The following DIP2B variants were observed in gnomAD, a reference collection of about 807,000 sequenced individuals.
DIP2B encodes disco-interacting protein 2 homolog B.
DIP2B carries 76 observed loss-of-function variants against 198.0 expected under a neutral mutation model. The ratio of observed to expected loss-of-function variants is 0.38; its 90% CI spans 0.32 to 0.46. The LOEUF (loss-of-function observed/expected upper bound fraction) is 0.46. Among genes scored for constraint, DIP2B ranks in the 20% least tolerant of loss-of-function variants. The pLI, the probability that DIP2B is intolerant of heterozygous loss-of-function variation, is 0.99. For missense variants in DIP2B, 1,559 were observed against 1,978.4 expected, an observed-to-expected ratio of 0.79 and a Z score of 4.02; for synonymous variants, 701 against 739.1, an observed-to-expected ratio of 0.95 and a Z score of 0.84.
chr12:50,554,432 A>G (rs1191662253), intron 1 of DIP2B, among the ~76,000 whole-genome samples: 1 of 151,422 alleles, frequency 6.6e-6, no homozygotes, highest in Non-Finnish European at 1.5e-5. Flanking sequence ...AAGATGTTTT[A>G]TTTGCTTATT....
chr12:50,740,806 G>GA (rs1454570733), intron 36 of DIP2B, among the ~76,000 whole-genome samples: 1 of 152,124 alleles, frequency 6.6e-6, no homozygotes, highest in African/African-American at 2.4e-5. Context: ...AAGCTACCTA[G>GA]AAAAAATGAC....
chr12:50,627,673 C>T (rs1937962920), intron 2 of DIP2B, among the ~76,000 whole-genome samples: 1 of 152,240 alleles, frequency 6.6e-6, no homozygotes, highest in South Asian at 2.1e-4. Context: ...GCCCCATGGG[C>T]AAGCCTATAA....
chr12:50,725,245 A>AC (rs1408697131), intron 28 of DIP2B, among the ~76,000 whole-genome samples: 1 of 152,158 alleles, frequency 6.6e-6, no homozygotes, highest in Non-Finnish European at 1.5e-5. Context: ...ACAATACTGG[A>AC]CTAGGAGTCA....
intron 2 of DIP2B, among the ~76,000 whole-genome samples, chr12:50,633,018 ATCCT>A (rs1209920372): frequency 6.6e-6 from 1 of 151,474 alleles, no homozygotes; most frequent in East Asian, 1.9e-4. Flanking sequence ...GGCTCAAGCG[ATCCT>A]TCTGCCTCAG....
intron 34 of DIP2B, among the ~76,000 whole-genome samples, 166 bp downstream of exon 34, chr12:50,735,296 A>T (rs1311935796): frequency 1.3e-5 from 2 of 152,214 alleles, no homozygotes; most frequent in Non-Finnish European, 2.9e-5. Context: ...GGGTACATAG[A>T]TAAGAAGAAT....
At chr12:50,582,082 A>G (rs1958729047) in intron 1 of DIP2B, among the ~76,000 whole-genome samples, 1 of 151,136 alleles carries the variant, frequency 6.6e-6, no homozygotes, top group African/African-American at 2.4e-5. Context: ...AGAGAAGGGC[A>G]GTAACTTTTT....
chr12:50,665,455 C>A (rs1442363057), intron 4 of DIP2B, among the ~76,000 whole-genome samples: 1 of 152,084 alleles, frequency 6.6e-6, no homozygotes, highest in Non-Finnish European at 1.5e-5. Flanking sequence ...TTAGAAAATT[C>A]TATTTACTTT....
intron 10 of DIP2B, among the ~76,000 whole-genome samples, chr12:50,684,573 C>T (rs1939101951): frequency 1.3e-5 from 2 of 152,134 alleles, no homozygotes; most frequent in South Asian, 2.1e-4. Flanking sequence ...GGGTGGATCA[C>T]CTGAGGTCAG....
Position 50,748,064 on chromosome 12 carries a change from T to C in DIP2B, c.*3225T>C, listed in dbSNP as rs1476355335. ...GAGTCTGTCTCCTTACTTTAGTCCC[T>C]GGGCAATCCTTGCTTAATGCTTTTG... On this transcript the variant is annotated 3_prime_UTR_variant, in exon 38 of 38. Transcript: ENST00000301180. The C allele has an allele frequency of 6.5e-6, 1 of 152,682 alleles. No individual in the cohort carries two copies. Among genetic ancestry groups the C allele is most frequent in the African/African-American group, 2.4e-5 (1 of 41,464 alleles). 9.5% of individuals were successfully genotyped at this position (152,682 alleles called of 1,614,324 possible).
intron 4 of DIP2B, among the ~76,000 whole-genome samples, chr12:50,669,837 A>G (rs989905437): frequency 4.6e-5 from 7 of 152,140 alleles, no homozygotes; most frequent in Non-Finnish European, 1.0e-4. Context: ...TTCCAGCCCC[A>G]TTGGTTATGT....
chr12:50,505,235 C>G lies in DIP2B; in HGVS notation c.95C>G (p.Ser32Trp), dbSNP rs1476416218. ...AQLAELELEL[S>W]EGDITQKGYE... ...CTGGCGGAGCTGGAGCTGGAGCTCT[C>G]GGAGGGTAGGAGCCGGGCCGGGGAG... Residue 32 changes from serine to tryptophan, a missense_variant, in exon 1 of 38, where the codon TCG becomes TGG. Transcript: ENST00000301180. The G allele has an allele frequency of 2.0e-6, 3 of 1,514,562 alleles. No homozygotes were observed. The highest frequency in any genetic ancestry group is 2.6e-6 in the Non-Finnish European group (3 of 1,137,440). 93.8% of individuals were successfully genotyped at this position (1,514,562 alleles called of 1,614,324 possible).
intron 22 of DIP2B, among the ~76,000 whole-genome samples, chr12:50,709,166 T>C (rs908034890): frequency 6.6e-6 from 1 of 152,250 alleles, no homozygotes; most frequent in African/African-American, 2.4e-5. Flanking sequence ...GGGCAAGTCA[T>C]TTAACCTCAC....
chr12:50,662,572 C>T (rs1483513839), intron 4 of DIP2B, among the ~76,000 whole-genome samples: 1 of 152,202 alleles, frequency 6.6e-6, no homozygotes, highest in Non-Finnish European at 1.5e-5. Context: ...TTAAGAGCTA[C>T]CAATTGGCTG....
Position 50,695,897 on chromosome 12 carries a change from A to C in DIP2B, c.1863A>C (p.Ala621=). The change falls in exon 16 of 38, where the codon GCA becomes GCC. Residue 621 remains alanine, a synonymous_variant. Coordinates refer to ENST00000301180, the MANE Select transcript of DIP2B (RefSeq NM_173602.3). ...GGGACTTGCACTGGGCTATGATGGC[A>C]CATCGGGACCAAAGAGACGTGAGCT... ...KCRDLHWAMM[A]HRDQRDVSLS... 1 of 1,614,168 alleles carries C rather than the reference A, an allele frequency of 6.2e-7. No individual in the cohort carries two copies. Among genetic ancestry groups the C allele is most frequent in the Non-Finnish European group, 8.5e-7 (1 of 1,179,978 alleles).
intron 1 of DIP2B, among the ~76,000 whole-genome samples, chr12:50,592,035 G>A (rs762258521): frequency 6.6e-5 from 10 of 151,836 alleles, no homozygotes; most frequent in African/African-American, 2.4e-5. Context: ...GTGTCACCAT[G>A]CCCAGCTAAT....
chr12:50,642,086 T>G (rs968315565), intron 3 of DIP2B, among the ~76,000 whole-genome samples: 1 of 152,030 alleles, frequency 6.6e-6, no homozygotes, highest in African/African-American at 2.4e-5. Context: ...GATACATATT[T>G]TCACACACAG....
intron 1 of DIP2B, among the ~76,000 whole-genome samples, chr12:50,533,942 T>C (rs2139366484): frequency 6.6e-6 from 1 of 152,264 alleles, no homozygotes; most frequent in East Asian, 1.9e-4. Context: ...GGAGAAACTT[T>C]TTTCCCCCCT....
At position 50,727,818 on chromosome 12, in the gene DIP2B, G is replaced by A. The variant is rs757274062; in HGVS notation, c.3510+6G>A. 3 of 1,611,274 alleles carry A rather than the reference G, an allele frequency of 1.9e-6. No homozygotes were observed. The highest frequency in any genetic ancestry group is 2.5e-6 in the Non-Finnish European group (3 of 1,178,736). The stretch of plus-strand genomic sequence containing the variant: ...GCATGCTTACAGGAGTGAAGGTAAG[G>A]TGCATGCTGGAAAAATGCCACATCT... On this transcript the variant is annotated splice_donor_region_variant and intron_variant, in intron 29 of 37. Coordinates refer to ENST00000301180, the MANE Select transcript of DIP2B (RefSeq NM_173602.3).
intron 1 of DIP2B, among the ~76,000 whole-genome samples, chr12:50,593,353 A>C (rs1958836071): frequency 6.6e-6 from 1 of 152,044 alleles, no homozygotes. Flanking sequence ...AAAAATACAA[A>C]AATTAGCTAG....
Sources: allele counts gnomAD v4.1 joint callset (sites outside exome capture counted in the v4.1 genomes callset), GRCh38; gene constraint gnomAD v4.1.1; transcripts MANE v1.5; gene names NCBI Gene and HGNC (gene_info 2026-07-23, HGNC 2026-07-21).